The following GALNT17 variants were observed in gnomAD, a reference collection of about 807,000 sequenced individuals.
GALNT17 encodes polypeptide N-acetylgalactosaminyltransferase 17.
A neutral mutation model predicts 63.7 loss-of-function variants in GALNT17; 29 were observed. The ratio of observed to expected loss-of-function variants is 0.46; its 90% confidence interval spans 0.34 to 0.62. GALNT17 has a LOEUF of 0.62. Among genes scored for constraint, GALNT17 ranks in the 20% least tolerant of loss-of-function variants. The pLI is 0.01. For missense variants in GALNT17, 603 were observed against 799.6 expected (o/e 0.75, Z 2.97); for synonymous variants, 305 against 318.3 (o/e 0.96, Z 0.45).
intron 5 of GALNT17, among the ~76,000 whole-genome samples, chr7:71,550,912 A>G (rs1263049090): frequency 1.3e-5 from 2 of 151,646 alleles, no homozygotes; most frequent in East Asian, 3.9e-4. Context: ...CTTTGTTTTT[A>G]AATTTCCCAT....
At chr7:71,701,781 GTGTA>G (rs1584148315) in intron 9 of GALNT17, among the ~76,000 whole-genome samples, 2 of 91,538 alleles carry the variant, frequency 2.2e-5, no homozygotes, top group East Asian at 4.5e-4. Context: ...ATATGTGTGT[GTGTA>G]TATATATGTG....
chr7:71,676,670 G>T (rs1034728259), intron 8 of GALNT17, among the ~76,000 whole-genome samples: 1 of 152,108 alleles, frequency 6.6e-6, no homozygotes, highest in Non-Finnish European at 1.5e-5. Context: ...GTGAGCCACC[G>T]CATCCAGCCT....
intron 5 of GALNT17, among the ~76,000 whole-genome samples, chr7:71,462,213 G>A (rs1787463288): frequency 6.6e-6 from 1 of 152,138 alleles, no homozygotes; most frequent in African/African-American, 2.4e-5. Flanking sequence ...TGAAATTCTG[G>A]CCCTTTCATC....
intron 7 of GALNT17, among the ~76,000 whole-genome samples, chr7:71,666,079 A>T (rs924624910): frequency 2.0e-5 from 3 of 152,126 alleles, no homozygotes; most frequent in African/African-American, 7.2e-5. Context: ...GCAGCCCCAC[A>T]GGAGTGTCAT....
intron 5 of GALNT17, among the ~76,000 whole-genome samples, chr7:71,533,895 G>T (rs1788759810): frequency 6.6e-6 from 1 of 152,138 alleles, no homozygotes; most frequent in South Asian, 2.1e-4. Flanking sequence ...AGAGGAGCTG[G>T]TCAACAGTCA....
At chr7:71,623,481 G>T (rs907304133) in intron 6 of GALNT17, among the ~76,000 whole-genome samples, 1 of 151,806 alleles carries the variant, frequency 6.6e-6, no homozygotes, top group African/African-American at 2.4e-5. Context: ...GCAGTGGTGT[G>T]ATCTTGGCTC....
At chr7:71,321,599 C>CCCCT (rs1478357658) in intron 1 of GALNT17, among the ~76,000 whole-genome samples, 2 of 151,108 alleles carry the variant, frequency 1.3e-5, no homozygotes, top group African/African-American at 4.9e-5. Context: ...TCAATTTTCT[C>CCCCT]CCCTCCCTCC....
At chr7:71,351,969 T>G (rs1197125916) in intron 2 of GALNT17, among the ~76,000 whole-genome samples, 1 of 152,078 alleles carries the variant, frequency 6.6e-6, no homozygotes, top group Non-Finnish European at 1.5e-5. Flanking sequence ...ATAGTGCTAG[T>G]AGGAGATGAT....
Position 71,564,459 on chromosome 7 carries a change from GT to G in GALNT17, c.963-6825del, listed in dbSNP as rs1340876450. ...CTACTACCACGCCCGGCTCATTTTT[GT>G]ATTTTCAGTAGAGATGGGGTTTCAC... On this transcript the variant is annotated intron_variant, in intron 5 of 10. Transcript: ENST00000333538. Among the ~76,000 whole-genome samples the G allele has an allele frequency of 2.0e-5, 3 of 151,322 alleles. No individual in the cohort carries two copies. The East Asian group carries it at 5.9e-4, about 30-fold the overall frequency.
chr7:71,321,301 C>G (rs992161882), intron 1 of GALNT17, among the ~76,000 whole-genome samples: 3 of 152,196 alleles, frequency 2.0e-5, no homozygotes, highest in African/African-American at 4.8e-5. Context: ...GGTTCCCAAA[C>G]TCTTCTTTAT....
chr7:71,438,117 C>G (rs1376404183), intron 5 of GALNT17, among the ~76,000 whole-genome samples: 2 of 152,084 alleles, frequency 1.3e-5, no homozygotes, highest in Admixed American at 6.6e-5. Context: ...TCAGGGTTCT[C>G]TAGAGGGACA....
At chr7:71,462,252 C>T (rs1787463881) in intron 5 of GALNT17, among the ~76,000 whole-genome samples, 2 of 152,114 alleles carry the variant, frequency 1.3e-5, no homozygotes, top group African/African-American at 4.8e-5. Flanking sequence ...ATTCCTCACC[C>T]TCAGCCATTC....
intron 5 of GALNT17, among the ~76,000 whole-genome samples, chr7:71,524,065 C>T (rs528354330): frequency 6.6e-6 from 1 of 151,196 alleles, no homozygotes; most frequent in African/African-American, 2.4e-5. Context: ...TTGCAGTGAG[C>T]TGAGATCACA....
intron 1 of GALNT17, among the ~76,000 whole-genome samples, chr7:71,168,272 T>C (rs1788481765): frequency 6.6e-6 from 1 of 152,100 alleles, no homozygotes; most frequent in African/African-American, 2.4e-5. Context: ...AACTTTGTAT[T>C]TTAACATTTT....
chr7:71,670,680 C>G (rs1791054949), intron 8 of GALNT17, among the ~76,000 whole-genome samples: 1 of 152,120 alleles, frequency 6.6e-6, no homozygotes, highest in Admixed American at 6.5e-5. Context: ...ATTCTAAGTG[C>G]TTTTTGCATA....
intron 1 of GALNT17, among the ~76,000 whole-genome samples, chr7:71,149,254 A>G (rs751376695): frequency 2.0e-5 from 3 of 152,116 alleles, no homozygotes; most frequent in Non-Finnish European, 4.4e-5. Flanking sequence ...TCAACCACAT[A>G]TCAAGTATTT....
chr7:71,145,693 C>T (rs182918284), intron 1 of GALNT17, among the ~76,000 whole-genome samples: 153 of 152,074 alleles, frequency 1.0e-3, no homozygotes, highest in Non-Finnish European at 9.0e-4. Flanking sequence ...AAAGTTCATA[C>T]GGGTTTCTTA....
At chr7:71,316,338 T>A (rs1791500173) in intron 1 of GALNT17, among the ~76,000 whole-genome samples, 1 of 151,912 alleles carries the variant, frequency 6.6e-6, no homozygotes, top group Admixed American at 6.6e-5. Context: ...CTCTGGTCAC[T>A]CAAGCTGAAC....
intron 6 of GALNT17, among the ~76,000 whole-genome samples, chr7:71,654,003 A>G (rs934885887): frequency 6.6e-6 from 1 of 151,902 alleles, no homozygotes; most frequent in Non-Finnish European, 1.5e-5. Flanking sequence ...ATATGCTAAG[A>G]TGTTATCTTA....
Sources: allele counts gnomAD v4.1 joint callset (sites outside exome capture counted in the v4.1 genomes callset), GRCh38; gene constraint gnomAD v4.1.1; transcripts MANE v1.5; gene names NCBI Gene and HGNC (gene_info 2026-07-23, HGNC 2026-07-21).